The following SLIT3 variants were observed in gnomAD, a reference collection of about 807,000 sequenced individuals.
SLIT3 encodes slit guidance ligand 3, also known as slit homolog 3 protein.
SLIT3 carries 68 observed loss-of-function variants against 184.0 expected under a neutral mutation model. That is an observed-to-expected ratio of 0.37 (90% CI 0.30 to 0.45). The LOEUF (loss-of-function observed/expected upper bound fraction) is 0.45, where lower values mean the gene tolerates loss of function less well. SLIT3 is among the 20% of genes least tolerant of loss of function. The pLI, the probability that SLIT3 is intolerant of heterozygous loss-of-function variation, is 1.00. For synonymous variants in SLIT3, 831 were observed against 828.6 expected (o/e 1.00, Z -0.05); for missense variants, 1,707 against 2,026.0 (o/e 0.84, Z 3.02).
chr5:169,043,646 T>A (rs1472524732), intron 4 of SLIT3, among the ~76,000 whole-genome samples: 1 of 152,226 alleles, frequency 6.6e-6, no homozygotes, highest in Non-Finnish European at 1.5e-5. Flanking sequence ...TATGCTCTGA[T>A]TTTAATTTCT....
intron 5 of SLIT3, among the ~76,000 whole-genome samples, chr5:168,875,300 G>T (rs1368462177): frequency 1.3e-5 from 2 of 151,610 alleles, no homozygotes; most frequent in Admixed American, 1.3e-4. Flanking sequence ...GGGAGGGAGA[G>T]AAAGAAAGAA....
intron 16 of SLIT3, 106 bp downstream of exon 16, chr5:168,760,756 T>G (rs1755117629): frequency 3.7e-6 from 3 of 807,560 alleles, no homozygotes; most frequent in South Asian, 1.5e-5. Flanking sequence ...TGGGAGGGAG[T>G]GGAGCAGAGG....
chr5:168,883,746 C>G (rs911501089), intron 4 of SLIT3, among the ~76,000 whole-genome samples: 2 of 149,916 alleles, frequency 1.3e-5, no homozygotes, highest in African/African-American at 2.4e-5. Flanking sequence ...TCTCCCATCT[C>G]TCAGTGCTGT....
chr5:169,206,221 C>G (rs1260241165), intron 3 of SLIT3, among the ~76,000 whole-genome samples: 1 of 152,144 alleles, frequency 6.6e-6, no homozygotes, highest in African/African-American at 2.4e-5. Flanking sequence ...CTTGGGCAGC[C>G]TGTGGTTAAT....
At chr5:168,725,924 G>T (rs930553188) in intron 20 of SLIT3, among the ~76,000 whole-genome samples, 3 of 152,196 alleles carry the variant, frequency 2.0e-5, no homozygotes, top group Non-Finnish European at 4.4e-5. Context: ...ATCTTTAATT[G>T]TTTAATTAAG....
intron 1 of SLIT3, among the ~76,000 whole-genome samples, chr5:169,287,101 C>T (rs1767174485): frequency 6.6e-6 from 1 of 152,152 alleles, no homozygotes; most frequent in African/African-American, 2.4e-5. Flanking sequence ...AGATTGGTTA[C>T]CATCTTGTGC....
intron 4 of SLIT3, among the ~76,000 whole-genome samples, chr5:169,046,104 A>G (rs1757613091): frequency 6.6e-6 from 1 of 152,190 alleles, no homozygotes; most frequent in African/African-American, 2.4e-5. Context: ...AGTAGGAGAC[A>G]GTGTATGGAG....
At chr5:168,830,670 A>C (rs776324883) in intron 6 of SLIT3, among the ~76,000 whole-genome samples, 1 of 151,812 alleles carries the variant, frequency 6.6e-6, no homozygotes, top group Non-Finnish European at 1.5e-5. Flanking sequence ...TTCTCCCAAC[A>C]CTCCTGAGAT....
chr5:169,281,924 A>G (rs1347026611), intron 1 of SLIT3, among the ~76,000 whole-genome samples: 1 of 152,222 alleles, frequency 6.6e-6, no homozygotes. Context: ...TTGAGTTGTT[A>G]TGAAACAAGG....
chr5:168,899,973 A>G (rs1269524397), intron 4 of SLIT3, among the ~76,000 whole-genome samples: 1 of 152,230 alleles, frequency 6.6e-6, no homozygotes, highest in Non-Finnish European at 1.5e-5. Context: ...GGAAAAGAGA[A>G]GCGAGAATAT....
chr5:169,105,751 C>T (rs796589877), intron 4 of SLIT3, among the ~76,000 whole-genome samples: 305 of 152,310 alleles, frequency 2.0e-3, no homozygotes, highest in African/African-American at 7.0e-3. Context: ...GATATGGCTT[C>T]CTGTTCCATC....
At chr5:168,914,350 G>A (rs1312553920) in intron 4 of SLIT3, among the ~76,000 whole-genome samples, 1 of 152,222 alleles carries the variant, frequency 6.6e-6, no homozygotes, top group Non-Finnish European at 1.5e-5. Context: ...TAGAGCTAAT[G>A]TTGTGGGCAG....
At chr5:168,964,991 C>T (rs77364123) in intron 4 of SLIT3, among the ~76,000 whole-genome samples, 3,090 of 152,292 alleles carry the variant, frequency 0.02, 47 homozygotes, top group Middle Eastern at 0.034. Context: ...GTGTCTGAGA[C>T]TCACCCAGGG....
intron 3 of SLIT3, among the ~76,000 whole-genome samples, chr5:169,223,561 G>T (rs1307925431): frequency 6.6e-6 from 1 of 152,158 alleles, no homozygotes; most frequent in African/African-American, 2.4e-5. Context: ...CCTCTATACT[G>T]CAACCTGGGT....
At chr5:169,278,176 G>A (rs1453816448) in intron 1 of SLIT3, among the ~76,000 whole-genome samples, 1 of 152,142 alleles carries the variant, frequency 6.6e-6, no homozygotes, top group African/African-American at 2.4e-5. Context: ...GAAGCCTGGC[G>A]ACACAGAAGA....
At chr5:169,105,323 A>G (rs1033710832) in intron 4 of SLIT3, among the ~76,000 whole-genome samples, 2 of 152,236 alleles carry the variant, frequency 1.3e-5, no homozygotes, top group African/African-American at 2.4e-5. Flanking sequence ...TCTAATGCAC[A>G]TATATGTACA....
intron 8 of SLIT3, among the ~76,000 whole-genome samples, chr5:168,813,261 G>T (rs1757223161): frequency 6.6e-6 from 1 of 151,274 alleles, no homozygotes; most frequent in Non-Finnish European, 1.5e-5. Context: ...ATTAACAAGT[G>T]GAAGGTAAAT....
chr5:169,096,260 G>A (rs1759775592), intron 4 of SLIT3, among the ~76,000 whole-genome samples: 1 of 152,166 alleles, frequency 6.6e-6, no homozygotes, highest in Non-Finnish European at 1.5e-5. Flanking sequence ...TTGACATTTA[G>A]ATTGTTTCCA....
intron 4 of SLIT3, among the ~76,000 whole-genome samples, chr5:169,148,672 T>C (rs1206968857): frequency 2.0e-5 from 3 of 152,238 alleles, no homozygotes; most frequent in Non-Finnish European, 4.4e-5. Context: ...ACCTCGGTTA[T>C]GTGTTGTATA....
Sources: gnomAD v4.1 joint callset for allele counts (sites outside exome capture counted in the v4.1 genomes callset) on GRCh38, gnomAD v4.1.1 for gene constraint, MANE v1.5 for transcripts, NCBI Gene and HGNC (gene_info 2026-07-23, HGNC 2026-07-21) for gene names.